Variants in GALNT14 observed in about 807,000 individuals in gnomAD.
The protein encoded by GALNT14 is polypeptide N-acetylgalactosaminyltransferase 14, also known as UDP-GalNAc:polypeptide N-acetylgalactosaminyltransferase 14.
Under a neutral mutation model 77.5 loss-of-function variants are expected in GALNT14, and 60 were observed. That is an observed-to-expected ratio of 0.77 (90% CI 0.63 to 0.96). The LOEUF is 0.96. Ranked by LOEUF, GALNT14 falls within the 40% of genes least tolerant of loss-of-function variation. The pLI, the probability that GALNT14 is intolerant of heterozygous loss-of-function variation, is 0.00. For synonymous variants in GALNT14, 280 were observed against 281.7 expected, an observed-to-expected ratio of 0.99 and a Z score of 0.06; for missense variants, 710 against 731.0, an observed-to-expected ratio of 0.97 and a Z score of 0.33.
intron 1 of GALNT14, among the ~76,000 whole-genome samples, chr2:31,086,441 T>C (rs556681930): frequency 6.6e-6 from 1 of 152,240 alleles, no homozygotes; most frequent in South Asian, 2.1e-4. Flanking sequence ...GCCAGGCATT[T>C]TTACTGCAGA....
chr2:30,978,532 G>A (rs1160679518), intron 2 of GALNT14, among the ~76,000 whole-genome samples: 1 of 152,300 alleles, frequency 6.6e-6, no homozygotes, highest in South Asian at 2.1e-4. Flanking sequence ...ATCAATACGT[G>A]TTTGCCAATT....
chr2:30,983,893 A>C (rs924212630), intron 2 of GALNT14, among the ~76,000 whole-genome samples: 1 of 146,536 alleles, frequency 6.8e-6, no homozygotes, highest in South Asian at 2.2e-4. Flanking sequence ...AATAAAATAA[A>C]ATATATGGAC....
chr2:30,982,563 A>G (rs947026804), intron 2 of GALNT14, among the ~76,000 whole-genome samples: 1 of 152,260 alleles, frequency 6.6e-6, no homozygotes, highest in Non-Finnish European at 1.5e-5. Flanking sequence ...ACACATGAGT[A>G]CATACTGTGT....
intron 1 of GALNT14, among the ~76,000 whole-genome samples, chr2:31,060,391 G>A (rs545290830): frequency 1.9e-4 from 29 of 152,272 alleles, no homozygotes; most frequent in Admixed American, 7.9e-4. Context: ...AACTTAAACA[G>A]GGCCAATGTC....
At chr2:31,046,273 C>G (rs1254431757) in intron 1 of GALNT14, among the ~76,000 whole-genome samples, 1 of 146,704 alleles carries the variant, frequency 6.8e-6, no homozygotes, top group Admixed American at 6.9e-5. Flanking sequence ...GTCGCCCAGG[C>G]TGGAGTGCAG....
At chr2:30,971,760 C>G (rs775928311) in intron 2 of GALNT14, among the ~76,000 whole-genome samples, 2 of 152,118 alleles carry the variant, frequency 1.3e-5, no homozygotes, top group Non-Finnish European at 2.9e-5. Context: ...CAACACCCCC[C>G]ACCCTGCACC....
At position 30,949,489 on chromosome 2, in the gene GALNT14, C is replaced by A. The variant is rs149890780; in HGVS notation, c.655-3619G>T. On this transcript the variant is annotated intron_variant, in intron 6 of 14. Coordinates refer to ENST00000349752, the MANE Select transcript of GALNT14 (RefSeq NM_024572.4). ...AGGCTCAAGCAGGCAGCTGGTGGAA[C>A]CCTTGCAGATCCTGGACCACACTCC... 2.6e-5 allele frequency among the ~76,000 whole-genome samples: 4 copies of A among 152,238 alleles called. No individual in the cohort carries two copies. The East Asian group carries it at 7.7e-4, about 29-fold the overall frequency.
At chr2:31,100,469 A>T (rs758077925) in intron 1 of GALNT14, among the ~76,000 whole-genome samples, 2 of 151,956 alleles carry the variant, frequency 1.3e-5, no homozygotes, top group Non-Finnish European at 2.9e-5. Context: ...TCAGTTAATT[A>T]TCTTTTGTTT....
intron 1 of GALNT14, among the ~76,000 whole-genome samples, chr2:31,090,481 CTTTT>C (rs70962302): frequency 0.012 from 1,138 of 93,196 alleles, 13 homozygotes; most frequent in African/African-American, 0.047. Context: ...GTCCCTTCAT[CTTTT>C]TTTTTTTTTT....
At chr2:30,946,491 C>T (rs1463113776) in intron 6 of GALNT14, among the ~76,000 whole-genome samples, 8 of 152,156 alleles carry the variant, frequency 5.3e-5, no homozygotes, top group Admixed American at 5.2e-4. Flanking sequence ...CTGCTCTGGC[C>T]ATGTGACCAG....
chr2:31,084,585 T>C (rs1676321066), intron 1 of GALNT14, among the ~76,000 whole-genome samples: 1 of 152,122 alleles, frequency 6.6e-6, no homozygotes, highest in Non-Finnish European at 1.5e-5. Flanking sequence ...AAGGGAAGCA[T>C]GGGTGCAAAC....
intron 10 of GALNT14, among the ~76,000 whole-genome samples, chr2:30,931,820 G>A (rs1207601939): frequency 3.3e-5 from 5 of 152,152 alleles, no homozygotes; most frequent in African/African-American, 7.2e-5. Flanking sequence ...TGAAGCCCAC[G>A]AGGCCTCATG....
intron 1 of GALNT14, among the ~76,000 whole-genome samples, chr2:31,037,262 T>G (rs1053401972): frequency 6.6e-6 from 1 of 152,224 alleles, no homozygotes; most frequent in African/African-American, 2.4e-5. Context: ...AATCTGCTGT[T>G]GAGTCCCTCT....
chr2:30,910,070 G>T (rs1158274811), downstream of GALNT14, among the ~76,000 whole-genome samples: 2 of 111,224 alleles, frequency 1.8e-5, no homozygotes, highest in Non-Finnish European at 3.5e-5. Flanking sequence ...AGGGGTGGGG[G>T]GAGGGGGGAG....
intron 9 of GALNT14, among the ~76,000 whole-genome samples, chr2:30,935,681 A>G (rs1666012378): frequency 6.6e-6 from 1 of 152,196 alleles, no homozygotes; most frequent in Non-Finnish European, 1.5e-5. Flanking sequence ...TGTGGGATAT[A>G]CAGGTGCTCT....
At chr2:30,969,018 G>C (rs73923315) in intron 2 of GALNT14, among the ~76,000 whole-genome samples, 6,806 of 152,222 alleles carry the variant, frequency 0.045, 510 homozygotes, top group African/African-American at 0.15. Flanking sequence ...GCATGGAGGG[G>C]CTTGGAGAGG....
At chr2:31,014,861 C>A (rs567021368) in intron 1 of GALNT14, among the ~76,000 whole-genome samples, 13 of 152,200 alleles carry the variant, frequency 8.5e-5, no homozygotes, top group African/African-American at 3.1e-4. Context: ...ACAAGAACCC[C>A]AGAGAAAGGA....
At chr2:31,066,412 CG>C (rs1422280357) in intron 1 of GALNT14, among the ~76,000 whole-genome samples, 2 of 50,298 alleles carry the variant, frequency 4.0e-5, no homozygotes, top group East Asian at 4.9e-4. Flanking sequence ...GGTGCGGGGG[CG>C]GGGGGCGGGG....
At chr2:30,904,526 G>A in the GALNT14 span, among the ~76,000 whole-genome samples, 2 of 152,242 alleles carry the variant, frequency 1.3e-5, no homozygotes, top group East Asian at 1.9e-4. Flanking sequence ...GGCACACCAC[G>A]AGATTATATC....
Sources: gnomAD v4.1 joint callset for allele counts (sites outside exome capture counted in the v4.1 genomes callset) on GRCh38, gnomAD v4.1.1 for gene constraint, MANE v1.5 for transcripts, NCBI Gene and HGNC (gene_info 2026-07-23, HGNC 2026-07-21) for gene names.